The following IFNG variants were observed in gnomAD, a reference collection of about 807,000 sequenced individuals.
IFNG encodes IFN-gamma.
In IFNG, 8 loss-of-function variants were observed where a neutral mutation model predicts 14.4. The ratio of observed to expected loss-of-function variants is 0.56; its 90% CI spans 0.33 to 1.00. The LOEUF (loss-of-function observed/expected upper bound fraction) is 1.00. Among genes scored for constraint, IFNG ranks in the 50% least tolerant of loss-of-function variants. The pLI, the probability that IFNG is intolerant of heterozygous loss-of-function variation, is 0.03. For synonymous variants in IFNG, 73 were observed against 65.4 expected (o/e 1.12, Z -0.56); for missense variants, 132 against 194.9 (o/e 0.68, Z 1.92).
intron 1 of IFNG, among the ~76,000 whole-genome samples, chr12:68,158,714 A>AGTGTGTGTGTGT (rs34079299): frequency 2.7e-5 from 4 of 148,700 alleles, no homozygotes; most frequent in East Asian, 2.0e-4. Context: ...AACATGTGCG[A>AGTGTGTGTGTGT]GTGTGTGTGT....
chr12:68,156,367 G>A (rs1048167686), intron 3 of IFNG, among the ~76,000 whole-genome samples: 2 of 152,184 alleles, frequency 1.3e-5, no homozygotes, highest in Non-Finnish European at 2.9e-5. Flanking sequence ...GGGCCATTTA[G>A]ATGATGCTTC....
At chr12:68,157,736 C>G (rs1054204264) in intron 3 of IFNG, among the ~76,000 whole-genome samples, 177 bp downstream of exon 3, 2 of 152,200 alleles carry the variant, frequency 1.3e-5, no homozygotes, top group Non-Finnish European at 2.9e-5. Context: ...CAGCGATTCT[C>G]TTACTGGCTT....
chr12:68,158,714 AGTGTGTGTGTGT>A (rs34079299), intron 1 of IFNG, among the ~76,000 whole-genome samples: 1 of 148,804 alleles, frequency 6.7e-6, no homozygotes, highest in Admixed American at 6.7e-5. Context: ...AACATGTGCG[AGTGTGTGTGTGT>A]GTGTGTGTGT....
In IFNG at chr12:68,154,976, G is replaced by A. The variant is rs2234687; in HGVS notation, c.*377C>T. The A allele has an allele frequency of 4.0e-3, 610 of 154,154 alleles. 7 individuals carry two copies. Among genetic ancestry groups the A allele is most frequent in the African/African-American group, 0.014 (594 of 41,606 alleles). The allele number at this position is 154,154 out of a possible 1,614,324, so 9.5% of individuals were successfully genotyped here. A position where few individuals can be genotyped will look rare whatever the true frequency, so the allele number is the denominator to read the frequency against. On this transcript the variant is annotated 3_prime_UTR_variant, in exon 4 of 4. Transcript: ENST00000229135. ...ATTAAAGCACTGGCTCAGATTGCAGGCATATTTTCAAACCGGCAGTAACTG... is the reference window on the plus strand; with the variant it reads ...ATTAAAGCACTGGCTCAGATTGCAGACATATTTTCAAACCGGCAGTAACTG...
chr12:68,158,333 T>A (rs1393471469), intron 1 of IFNG, 74 bp from the exon 2 acceptor site: 1 of 1,000,550 alleles, frequency 1.0e-6, no homozygotes, highest in Non-Finnish European at 1.5e-6. Context: ...TCAAGTTTCA[T>A]TGAACTCAGA....
chr12:68,159,547 G>A lies in IFNG; in HGVS notation c.69C>T (p.Cys23=), dbSNP rs1325493656. Residue 23 remains cysteine (C), a synonymous_variant, in exon 1 of 4, where the codon TGC becomes TGT. Transcript: ENST00000229135. ...CTGCTTCTTTTACATATGGGTCCTG[G>A]CAGTAACAGCCAAGAGAACCCAAAA... The part of the protein sequence containing the change: ...CIVLGSLGCY[C]QDPYVKEAEN... 2 of 1,604,224 alleles carry A rather than the reference G, an allele frequency of 1.2e-6. No individual in the cohort carries two copies. Among genetic ancestry groups the A allele is most frequent in the Non-Finnish European group, 8.5e-7 (1 of 1,173,182 alleles).
intron 1 of IFNG, 91 bp from the exon 2 acceptor site, chr12:68,158,350 A>T: frequency 1.2e-6 from 1 of 826,754 alleles, no homozygotes; most frequent in Non-Finnish European, 1.9e-6. Context: ...CAGATGTGAC[A>T]ATATTCACTG....
intron 3 of IFNG, among the ~76,000 whole-genome samples, 154 bp from the exon 4 acceptor site, chr12:68,155,641 G>A (rs1882589784): frequency 6.6e-6 from 1 of 152,194 alleles, no homozygotes; most frequent in African/African-American, 2.4e-5. Context: ...AGCAGTTGAA[G>A]CTAAAAATTA....
At chr12:68,158,393 CA>C in intron 1 of IFNG, 134 bp from the exon 2 acceptor site, 2 of 620,138 alleles carry the variant, frequency 3.2e-6, no homozygotes, top group Non-Finnish European at 5.5e-6. Context: ...TTAGTTCTAA[CA>C]ATAAGTATTC....
In IFNG at chr12:68,155,416, T is replaced by A; in HGVS notation, c.438A>T (p.Ala146=). 1 of 1,612,462 alleles carries A rather than the reference T, an allele frequency of 6.2e-7. No individual in the cohort carries two copies. The highest frequency in any genetic ancestry group is 8.5e-7 in the Non-Finnish European group (1 of 1,179,070). ...TCCTTTTTCGCTTCCCTGTTTTAGC[T>A]GCTGGCGACAGTTCAGCCATCACTT... is the stretch of plus-strand genomic sequence containing the variant. ...LIQVMAELSP[A]AKTGKRKRSQ... The change falls in exon 4 of 4, where the codon GCA becomes GCT. Residue 146 remains alanine (A), a synonymous_variant. Coordinates refer to ENST00000229135, the MANE Select transcript of IFNG (RefSeq NM_000619.3).
chr12:68,156,732 C>A (rs1047647398), intron 3 of IFNG, among the ~76,000 whole-genome samples: 3 of 152,184 alleles, frequency 2.0e-5, no homozygotes, highest in Admixed American at 2.0e-4. Flanking sequence ...ATGTTCAAAT[C>A]ATCACCAAGA....
At chr12:68,158,286 T>C in intron 1 of IFNG, 27 bp from the exon 2 acceptor site, 7 of 1,515,520 alleles carry the variant, frequency 4.6e-6, no homozygotes, top group South Asian at 1.2e-5. Context: ...AAAAAATTGG[T>C]TTACAATTAG....
intron 1 of IFNG, among the ~76,000 whole-genome samples, chr12:68,158,977 C>T (rs1040214893): frequency 4.6e-5 from 7 of 152,030 alleles, no homozygotes; most frequent in Non-Finnish European, 8.8e-5. Flanking sequence ...AACGAAGTTC[C>T]GGAATACTTC....
Position 68,155,433 on chromosome 12 carries a change from C to T in IFNG, c.421G>A (p.Ala141Thr). 6.2e-7 allele frequency: 1 copy of T among 1,612,326 alleles called. No individual in the cohort carries two copies. Among genetic ancestry groups the T allele is most frequent in the Non-Finnish European group, 8.5e-7 (1 of 1,179,026 alleles). The change falls in exon 4 of 4, where the codon GCT becomes ACT. Residue 141 changes from alanine to threonine, a missense_variant. Ala to Thr is a moderately conservative substitution (Grantham distance 58). Transcript: ENST00000229135. ...KAIHELIQVM[A>T]ELSPAAKTGK... ...GTTTTAGCTGCTGGCGACAGTTCAG[C>T]CATCACTTGGATGAGTTCATGTATT...
intron 3 of IFNG, among the ~76,000 whole-genome samples, chr12:68,157,162 AAGTTGATAGAG>A (rs1481270411): frequency 6.6e-6 from 1 of 152,214 alleles, no homozygotes; most frequent in African/African-American, 2.4e-5. Flanking sequence ...GATATTCTGA[AAGTTGATAGAG>A]AGTTGATAGA....
intron 1 of IFNG, 25 bp from the exon 2 acceptor site, chr12:68,158,284 G>A (rs1456318352): frequency 6.6e-7 from 1 of 1,515,030 alleles, no homozygotes; most frequent in Non-Finnish European, 9.0e-7. Flanking sequence ...AGAAAAAATT[G>A]GTTTACAATT....
At chr12:68,158,701 C>T (rs1342320288) in intron 1 of IFNG, among the ~76,000 whole-genome samples, 1 of 142,000 alleles carries the variant, frequency 7.0e-6, no homozygotes, top group Admixed American at 7.4e-5. Context: ...AAAGATAGTT[C>T]CAAACATGTG....
At position 68,157,901 on chromosome 12, in the gene IFNG, A is replaced by G. The variant is rs368484896; in HGVS notation, c.366+12T>C. On this transcript the variant is annotated intron_variant, in intron 3 of 3. Coordinates refer to ENST00000229135, the MANE Select transcript of IFNG (RefSeq NM_000619.3). ...GGCAATGAAACCAAAGAAAGAATTT[A>G]AATAGCCTCACCGAATAATTAGTCA... 46 of 1,573,186 alleles carry G rather than the reference A, an allele frequency of 2.9e-5. No individual in the cohort carries two copies. Among genetic ancestry groups the G allele is most frequent in the African/African-American group, 6.8e-5 (5 of 73,216 alleles).
chr12:68,157,797 T>C (rs1882623012), intron 3 of IFNG, 116 bp downstream of exon 3: 1 of 725,312 alleles, frequency 1.4e-6, no homozygotes, highest in Non-Finnish European at 2.3e-6. Context: ...GTTTCAGCCA[T>C]GAGTTGAGTT....
Sources: gnomAD v4.1 joint callset for allele counts (sites outside exome capture counted in the v4.1 genomes callset) on GRCh38, gnomAD v4.1.1 for gene constraint, MANE v1.5 for transcripts, NCBI Gene and HGNC (gene_info 2026-07-23, HGNC 2026-07-21) for gene names.